Variants in YWHAE observed in about 807,000 individuals in gnomAD.
The protein encoded by YWHAE is 14-3-3 protein epsilon.
YWHAE carries 4 observed loss-of-function variants against 30.1 expected under a neutral mutation model. That is an observed-to-expected ratio of 0.13 (90% CI 0.07 to 0.30). The LOEUF (loss-of-function observed/expected upper bound fraction) is 0.30, where lower values mean the gene tolerates loss of function less well. YWHAE is among the 10% of genes least tolerant of loss of function. The probability of loss-of-function intolerance (pLI) is 1.00; values close to 1 mark genes in which losing one functional copy is unlikely to be tolerated. For synonymous variants in YWHAE, 118 were observed against 111.8 expected (o/e 1.06, Z -0.35); for missense variants, 121 against 315.9 (o/e 0.38, Z 4.68).
chr17:1,381,635 G>A (rs2073209016), intron 1 of YWHAE, among the ~76,000 whole-genome samples: 1 of 151,888 alleles, frequency 6.6e-6, no homozygotes, highest in South Asian at 2.1e-4. Context: ...ACTGAGGAAG[G>A]CCGAGCGCAA....
At chr17:1,370,766 G>T (rs958813679) in intron 1 of YWHAE, among the ~76,000 whole-genome samples, 1 of 151,996 alleles carries the variant, frequency 6.6e-6, no homozygotes, top group South Asian at 2.1e-4. Flanking sequence ...GGAGGCCGAG[G>T]TGGGCAGATC....
intron 1 of YWHAE, among the ~76,000 whole-genome samples, chr17:1,382,997 C>T (rs530379795): frequency 6.6e-6 from 1 of 151,146 alleles, no homozygotes; most frequent in South Asian, 2.1e-4. Context: ...TGCACTCCAG[C>T]CCAGGTGACA....
At chr17:1,360,465 TAGAAAC>T (rs2072846963) in intron 4 of YWHAE, among the ~76,000 whole-genome samples, 1 of 152,168 alleles carries the variant, frequency 6.6e-6, no homozygotes, top group East Asian at 1.9e-4. Context: ...AACATGCCCA[TAGAAAC>T]AGAACACTGG....
chr17:1,345,546 G>T (rs1247329100), intron 5 of YWHAE, 47 bp from the exon 6 acceptor site: 1 of 1,583,840 alleles, frequency 6.3e-7, no homozygotes, highest in Non-Finnish European at 8.6e-7. Flanking sequence ...GACTACATTA[G>T]GCTATGGCAG....
chr17:1,398,428 C>A (rs745621084), intron 1 of YWHAE, among the ~76,000 whole-genome samples: 11 of 148,952 alleles, frequency 7.4e-5, no homozygotes, highest in Non-Finnish European at 1.2e-4. Context: ...AATATGAGTT[C>A]TAGAGGCCTT....
chr17:1,387,910 G>C (rs1353541487), intron 1 of YWHAE, among the ~76,000 whole-genome samples: 1 of 141,930 alleles, frequency 7.0e-6, no homozygotes, highest in Admixed American at 7.2e-5. Context: ...ACAGGAGTGA[G>C]CCACTGCACC....
chr17:1,399,299 GCCTCC>G (rs1335059002), intron 1 of YWHAE: 1 of 152,180 alleles, frequency 6.6e-6, no homozygotes, highest in African/African-American at 2.4e-5. Context: ...GATTTTCTGG[GCCTCC>G]CCAGAAGACG....
chr17:1,382,306 C>T (rs2150869239), intron 1 of YWHAE, among the ~76,000 whole-genome samples: 2 of 149,764 alleles, frequency 1.3e-5, no homozygotes, highest in South Asian at 2.1e-4. Context: ...CCTCGGCCTC[C>T]CAAAGTGCTG....
chr17:1,352,916 A>T (rs557840343), intron 5 of YWHAE, among the ~76,000 whole-genome samples: 1 of 152,176 alleles, frequency 6.6e-6, no homozygotes, highest in Non-Finnish European at 1.5e-5. Flanking sequence ...CACCAAATGT[A>T]AAACTATCCT....
rs535167384 is a variant in YWHAE, at chr17:1,371,901, A to ACGTCTCAGCTCACTGCAACCTC, written c.65-6865_65-6844dup. On this transcript the variant is annotated intron_variant, in intron 1 of 5. Transcript: ENST00000264335. ...TCGCTCAGGCTGGAGTGCTGTCACAACGTCTCAGCTCACTGCAACCTCCGT... is the reference window on the plus strand; with the variant it reads ...TCGCTCAGGCTGGAGTGCTGTCACAACGTCTCAGCTCACTGCAACCTCCGTCTCAGCTCACTGCAACCTCCGT... Among the ~76,000 whole-genome samples the ACGTCTCAGCTCACTGCAACCTC allele has an allele frequency of 3.0e-3, 446 of 150,792 alleles. 4 individuals are homozygous for ACGTCTCAGCTCACTGCAACCTC. Among genetic ancestry groups the ACGTCTCAGCTCACTGCAACCTC allele is most frequent in the African/African-American group, 0.01 (430 of 41,020 alleles).
At chr17:1,360,144 TAGAG>T (rs2072840769) in intron 4 of YWHAE, among the ~76,000 whole-genome samples, 1 of 152,082 alleles carries the variant, frequency 6.6e-6, no homozygotes, top group Non-Finnish European at 1.5e-5. Context: ...GTATTTTTAA[TAGAG>T]ACAGAGTTTC....
At chr17:1,353,544 CCT>C (rs1223776398) in intron 5 of YWHAE, among the ~76,000 whole-genome samples, 1 of 151,958 alleles carries the variant, frequency 6.6e-6, no homozygotes, top group East Asian at 1.9e-4. Context: ...GGGCAGAACA[CCT>C]GAGGTCAGGA....
intron 1 of YWHAE, among the ~76,000 whole-genome samples, chr17:1,384,433 T>A (rs930862989): frequency 2.6e-5 from 4 of 151,556 alleles, no homozygotes; most frequent in Non-Finnish European, 5.9e-5. Context: ...GGCTCACGCC[T>A]GTAATCCCAG....
At chr17:1,347,923 A>C in intron 5 of YWHAE, 2 of 998,214 alleles carry the variant, frequency 2.0e-6, no homozygotes, top group Non-Finnish European at 2.4e-6. Flanking sequence ...AAGAACCAAA[A>C]CTGAAAGCGG....
intron 5 of YWHAE, among the ~76,000 whole-genome samples, chr17:1,352,964 T>A (rs942362270): frequency 1.3e-5 from 2 of 152,194 alleles, no homozygotes; most frequent in African/African-American, 2.4e-5. Flanking sequence ...CTCTTCTCCA[T>A]CCCTGTTCAA....
intron 4 of YWHAE, among the ~76,000 whole-genome samples, chr17:1,355,124 A>C (rs1160480482): frequency 1.3e-3 from 44 of 35,052 alleles, no homozygotes; most frequent in African/African-American, 3.2e-3. Flanking sequence ...TTTAAAAAAA[A>C]AAAAAAAAAA....
At chr17:1,385,711 T>C (rs1432807434) in intron 1 of YWHAE, among the ~76,000 whole-genome samples, 1 of 152,166 alleles carries the variant, frequency 6.6e-6, no homozygotes, top group Non-Finnish European at 1.5e-5. Context: ...ATCCCAATAC[T>C]AGTTCCATTA....
Position 1,364,932 on chromosome 17 carries a change from C to T in YWHAE, c.191G>A (p.Ser64Asn). ...GARRASWRII[S>N]SIEQKEENKG... ...GTTTTCTTCTTTCTGTTCAATGCTG[C>T]TGATTATTCTCCAGGAGGCTCTTCT... Residue 64 changes from serine to asparagine, a missense_variant, in exon 2 of 6, where the codon AGC (serine) becomes AAC (asparagine). Transcript: ENST00000264335. 6.2e-7 allele frequency: 1 copy of T among 1,614,076 alleles called. No individual in the cohort carries two copies. Among genetic ancestry groups the T allele is most frequent in the Non-Finnish European group, 8.5e-7 (1 of 1,179,996 alleles).
chr17:1,357,076 T>C (rs1344899095), intron 4 of YWHAE, among the ~76,000 whole-genome samples: 3 of 151,296 alleles, frequency 2.0e-5, no homozygotes, highest in East Asian at 3.9e-4. Flanking sequence ...GAGACCATCC[T>C]GGCTAACACA....
Sources: allele counts gnomAD v4.1 joint callset (sites outside exome capture counted in the v4.1 genomes callset), GRCh38; gene constraint gnomAD v4.1.1; transcripts MANE v1.5; gene names NCBI Gene and HGNC (gene_info 2026-07-23, HGNC 2026-07-21).